Variants in CREBBP observed in about 807,000 individuals in gnomAD.
The protein encoded by CREBBP is CREB-binding protein.
In CREBBP, 19 loss-of-function variants were observed where a neutral mutation model predicts 265.0. The observed-to-expected ratio is 0.07, with a 90% CI of 0.05 to 0.11. The LOEUF is 0.11. Among genes scored for constraint, CREBBP ranks in the 10% least tolerant of loss-of-function variants. CREBBP has a pLI of 1.00. For missense variants in CREBBP, 2,525 were observed against 3,219.0 expected (o/e 0.78, Z 5.22); for synonymous variants, 1,457 against 1,223.7 (o/e 1.19, Z -3.98).
intron 3 of CREBBP, among the ~76,000 whole-genome samples, chr16:3,809,151 G>C (rs1444542036): frequency 1.3e-5 from 2 of 151,942 alleles, no homozygotes; most frequent in Non-Finnish European, 2.9e-5. Flanking sequence ...AGTTTTGAGA[G>C]CAAGTTTTGT....
intron 3 of CREBBP, 135 bp downstream of exon 3, chr16:3,810,468 T>G: frequency 4.0e-6 from 4 of 1,002,238 alleles, no homozygotes; most frequent in Non-Finnish European, 3.2e-6. Flanking sequence ...GAGCTACTCA[T>G]GAGAAATCTG....
intron 1 of CREBBP, among the ~76,000 whole-genome samples, chr16:3,879,610 C>T (rs2055480388): frequency 6.6e-6 from 1 of 152,154 alleles, no homozygotes; most frequent in South Asian, 2.1e-4. Context: ...TGATCGGGTG[C>T]GGGGAGGCCG....
At chr16:3,790,800 G>A (rs936171700) in intron 5 of CREBBP, among the ~76,000 whole-genome samples, 3 of 152,118 alleles carry the variant, frequency 2.0e-5, no homozygotes, top group Admixed American at 6.5e-5. Flanking sequence ...CTACTCCCTC[G>A]CCGCCAGAGG....
rs149315725 is a variant in CREBBP, at chr16:3,726,243, G to GT, written c.*1474_*1475insA. 2.3e-4 allele frequency: 54 copies of GT among 232,786 alleles called. No homozygotes were observed. The highest frequency in any genetic ancestry group is 1.3e-3 in the Middle Eastern group (1 of 782). 14.4% of individuals were successfully genotyped at this position (232,786 alleles called of 1,614,324 possible). ...TCAGATTCTGGGAGTCGTGTACGGG[G>GT]GGGGGGAGCCGCCTGAACACGGGAA... On this transcript the variant is annotated 3_prime_UTR_variant, in exon 31 of 31. Coordinates refer to ENST00000262367, the MANE Select transcript of CREBBP (RefSeq NM_004380.3).
intron 1 of CREBBP, among the ~76,000 whole-genome samples, chr16:3,852,695 T>C (rs376831039): frequency 1.3e-5 from 2 of 152,068 alleles, no homozygotes; most frequent in African/African-American, 2.4e-5. Flanking sequence ...CGACTATAAA[T>C]GGACAAAAGA....
At chr16:3,735,071 C>G (rs1221943332) in intron 28 of CREBBP, among the ~76,000 whole-genome samples, 1 of 152,254 alleles carries the variant, frequency 6.6e-6, no homozygotes, top group East Asian at 1.9e-4. Flanking sequence ...ACCATCATCT[C>G]TTCCCCAGAC....
Position 3,810,592 on chromosome 16 carries a change from G to A in CREBBP, c.975+11C>T, listed in dbSNP as rs1320640824. ...GGAGAGCCATAACACTGAGGGCCAA[G>A]GGTAACTTACCATATTTGGCACGTT... On this transcript the variant is annotated intron_variant, in intron 3 of 30. Coordinates refer to ENST00000262367, the MANE Select transcript of CREBBP (RefSeq NM_004380.3). The A allele has an allele frequency of 8.1e-6, 13 of 1,613,292 alleles. No homozygotes were observed. The East Asian group carries it at 1.3e-4, about 17-fold the overall frequency.
chr16:3,845,464 A>T (rs1196827234), intron 2 of CREBBP, among the ~76,000 whole-genome samples: 1 of 152,224 alleles, frequency 6.6e-6, no homozygotes, highest in African/African-American at 2.4e-5. Flanking sequence ...AAAACAGCAT[A>T]TCGTATCAGT....
intron 2 of CREBBP, 123 bp from the exon 3 acceptor site, chr16:3,810,902 A>G (rs1235924764): frequency 1.0e-6 from 1 of 996,384 alleles, no homozygotes; most frequent in African/African-American, 1.6e-5. Context: ...AAGGTTCATT[A>G]TCAGGTTCAC....
At position 3,850,593 on chromosome 16, in the gene CREBBP, T is replaced by G. The variant is rs2054810985; in HGVS notation, c.502A>C (p.Thr168Pro). Residue 168 changes from threonine to proline, a missense_variant, in exon 2 of 31, where the codon ACG (threonine) becomes CCG (proline). By Grantham distance (38) the Thr-to-Pro change is conservative (BLOSUM62 -1). Transcript: ENST00000262367. ...QVGLATSSPA[T>P]SQTGPGICMN... ...CAGATACCAGGTCCAGTCTGTGACG[T>G]GGCAGGGCTGCTAGTCGCCAGCCCC... The G allele has an allele frequency of 6.2e-7, 1 of 1,614,248 alleles. No homozygotes were observed. Among genetic ancestry groups the G allele is most frequent in the Non-Finnish European group, 8.5e-7 (1 of 1,180,040 alleles).
intron 24 of CREBBP, 44 bp downstream of exon 24, chr16:3,740,355 G>T: frequency 6.2e-7 from 1 of 1,610,584 alleles, no homozygotes; most frequent in East Asian, 2.2e-5. Context: ...GCAAGCGGGC[G>T]TGGGGACTGC....
intron 22 of CREBBP, 29 bp from the exon 23 acceptor site, chr16:3,744,990 T>C (rs773541444): frequency 2.2e-5 from 33 of 1,515,512 alleles, no homozygotes; most frequent in Middle Eastern, 1.7e-4. Context: ...ATGATGAGAC[T>C]GTATATAATG....
chr16:3,736,895 A>G (rs1359196198), intron 26 of CREBBP, 80 bp from the exon 27 acceptor site: 1 of 1,542,306 alleles, frequency 6.5e-7, no homozygotes, highest in East Asian at 2.2e-5. Flanking sequence ...GCAGAGGAGC[A>G]AGGACTAAAG....
intron 23 of CREBBP, 35 bp downstream of exon 23, chr16:3,744,859 G>A (rs2052302590): frequency 1.3e-6 from 2 of 1,492,344 alleles, no homozygotes; most frequent in African/African-American, 1.4e-5. Flanking sequence ...TCTAAAATGT[G>A]CAGTCCAGGA....
At chr16:3,759,005 T>G in intron 16 of CREBBP, 33 bp from the exon 17 acceptor site, 1 of 1,513,534 alleles carries the variant, frequency 6.6e-7, no homozygotes, top group East Asian at 2.3e-5. Flanking sequence ...AGACACTTTG[T>G]AAAAGGTGCT....
intron 16 of CREBBP, 155 bp downstream of exon 16, chr16:3,767,565 G>T: frequency 2.0e-6 from 2 of 984,872 alleles, no homozygotes; most frequent in Non-Finnish European, 3.0e-6. Flanking sequence ...CTCAGCCTGA[G>T]TGTTTCTGCA....
At chr16:3,835,008 A>T (rs1331879944) in intron 2 of CREBBP, among the ~76,000 whole-genome samples, 1 of 152,050 alleles carries the variant, frequency 6.6e-6, no homozygotes, top group Non-Finnish European at 1.5e-5. Context: ...AATACAAAAA[A>T]TTGGCCGGGC....
intron 2 of CREBBP, among the ~76,000 whole-genome samples, chr16:3,817,111 T>G (rs1047333745): frequency 6.6e-6 from 1 of 152,046 alleles, no homozygotes; most frequent in Non-Finnish European, 1.5e-5. Context: ...GCCTTCGGAG[T>G]TGGTTTTCAG....
intron 19 of CREBBP, among the ~76,000 whole-genome samples, chr16:3,756,102 A>T (rs1435396890): frequency 2.0e-5 from 3 of 152,210 alleles, no homozygotes; most frequent in Non-Finnish European, 4.4e-5. Flanking sequence ...ACAAATAACA[A>T]AAAGCCTTCT....
Sources: allele counts gnomAD v4.1 joint callset (sites outside exome capture counted in the v4.1 genomes callset), GRCh38; gene constraint gnomAD v4.1.1; transcripts MANE v1.5; gene names NCBI Gene and HGNC (gene_info 2026-07-23, HGNC 2026-07-21).